ARHGAP32: variants seen among roughly 807,000 people sequenced by gnomAD.
The protein encoded by ARHGAP32 is Rho GTPase activating protein 32, also known as rho GTPase-activating protein 32.
ARHGAP32 carries 51 observed loss-of-function variants against 186.5 expected under a neutral mutation model. The ratio of observed to expected loss-of-function variants is 0.27; its 90% confidence interval spans 0.22 to 0.35. The LOEUF (loss-of-function observed/expected upper bound fraction) is 0.35, where lower values mean the gene tolerates loss of function less well. Ranked by LOEUF, ARHGAP32 falls within the 10% of genes least tolerant of loss-of-function variation. ARHGAP32 has a pLI of 1.00. For missense variants in ARHGAP32, 2,186 were observed against 2,623.5 expected (o/e 0.83, Z 3.64); for synonymous variants, 950 against 964.3 (o/e 0.99, Z 0.27).
At chr11:128,987,297 C>A (rs145621589) in intron 13 of ARHGAP32, among the ~76,000 whole-genome samples, 1 of 152,128 alleles carries the variant, frequency 6.6e-6, no homozygotes, top group African/African-American at 2.4e-5. Flanking sequence ...TTATCATCTA[C>A]CTAGAGGATT....
At chr11:129,099,267 T>A (rs1342990810) in intron 5 of ARHGAP32, among the ~76,000 whole-genome samples, 2 of 152,146 alleles carry the variant, frequency 1.3e-5, no homozygotes, top group African/African-American at 4.8e-5. Flanking sequence ...AGTGGGCCCA[T>A]AAGATTATAA....
chr11:128,997,830 G>A (rs12363960), intron 12 of ARHGAP32, among the ~76,000 whole-genome samples: 25,001 of 152,060 alleles, frequency 0.16, 2,457 homozygotes, highest in African/African-American at 0.27. Flanking sequence ...GGAATTCAAG[G>A]CTGCAGTCGG....
intron 5 of ARHGAP32, among the ~76,000 whole-genome samples, chr11:129,113,811 T>C (rs531469928): frequency 6.6e-6 from 1 of 152,172 alleles, no homozygotes; most frequent in Non-Finnish European, 1.5e-5. Context: ...ACTGAATTCG[T>C]CATCTTTCCT....
chr11:129,079,501 C>A lies in ARHGAP32; in HGVS notation c.532-12633G>T, dbSNP rs186608274. ...GAATTTTGCATCCAGAAAAACTAAGCTTCGTAAATGAAAGAAAAAAAAGTT... is the reference window on the plus strand; with the variant it reads ...GAATTTTGCATCCAGAAAAACTAAGATTCGTAAATGAAAGAAAAAAAAGTT... On this transcript the variant is annotated intron_variant, in intron 6 of 22. Transcript: ENST00000682385. Among the ~76,000 whole-genome samples the A allele has an allele frequency of 6.6e-4, 100 of 152,184 alleles. 1 individual carries two copies. Among genetic ancestry groups the A allele is most frequent in the Admixed American group, 5.6e-3 (85 of 15,286 alleles).
intron 1 of ARHGAP32, among the ~76,000 whole-genome samples, chr11:129,239,061 A>C (rs1337389485): frequency 2.0e-5 from 3 of 151,926 alleles, no homozygotes; most frequent in African/African-American, 7.3e-5. Flanking sequence ...TGTTGCCCAG[A>C]CTGGTCTCAA....
Position 128,991,719 on chromosome 11 carries a change from G to T in ARHGAP32, c.1196-3594C>A, listed in dbSNP as rs536476360. ...CACATTCTCCACATAATACACTTCT[G>T]ATTTACTTTGATTTTACATTCTTAG... is the stretch of plus-strand genomic sequence containing the variant. On this transcript the variant is annotated intron_variant, in intron 12 of 22. Transcript: ENST00000682385. Among the ~76,000 whole-genome samples, 30 of 152,188 alleles carry T rather than the reference G, an allele frequency of 2.0e-4. 1 individual carries two copies. The East Asian group carries it at 5.6e-3, about 28-fold the overall frequency.
At chr11:129,043,773 G>A (rs1261032431) in intron 10 of ARHGAP32, among the ~76,000 whole-genome samples, 1 of 152,002 alleles carries the variant, frequency 6.6e-6, no homozygotes, top group Non-Finnish European at 1.5e-5. Flanking sequence ...ACTTAACTGA[G>A]GCATCAGTTG....
Position 128,969,587 on chromosome 11 carries a change from G to C in ARHGAP32, c.5626C>G (p.Leu1876Val). The C allele has an allele frequency of 6.2e-7, 1 of 1,614,108 alleles. No individual in the cohort carries two copies. ...KPSLPQKQSS[L>V]RSRKLPDMGC... is the part of the protein sequence containing the mutation. ...ATGTCAGGAAGCTTCCTGCTCCTCA[G>C]GCTGCTCTGCTTCTGAGGCAGGGAT... is the stretch of plus-strand genomic sequence containing the variant. The change falls in exon 23 of 23, where the codon CTG becomes GTG. Residue 1876 changes from leucine to valine, a missense_variant. Physicochemically the swap from Leu to Val is conservative, Grantham distance 32. Around this residue, in one of 5 missense-constraint regions of ARHGAP32, gnomAD observed 1,502 missense variants for 1,570.0 expected, o/e 0.96. Coordinates refer to ENST00000682385, the MANE Select transcript of ARHGAP32 (RefSeq NM_001378024.1). The surrounding 1 kb of genome is among the most constrained non-coding windows in gnomAD (Gnocchi z 4.8).
intron 1 of ARHGAP32, among the ~76,000 whole-genome samples, chr11:129,197,761 T>C (rs1046612346): frequency 2.0e-4 from 31 of 152,332 alleles, no homozygotes; most frequent in Non-Finnish European, 4.0e-4. Flanking sequence ...TTATACTATC[T>C]ATACATTCAT....
chr11:129,066,693 T>C (rs764654093), intron 7 of ARHGAP32, 38 bp downstream of exon 7: 11 of 1,592,612 alleles, frequency 6.9e-6, no homozygotes, highest in Non-Finnish European at 8.5e-6. Context: ...AACTCATATA[T>C]AGTGATTACC....
chr11:129,161,398 A>G (rs1321384631), intron 2 of ARHGAP32, among the ~76,000 whole-genome samples: 1 of 152,196 alleles, frequency 6.6e-6, no homozygotes, highest in Non-Finnish European at 1.5e-5. Context: ...AATTTTTGCA[A>G]TCTATCCATC....
chr11:129,134,501 C>T (rs933034095), intron 2 of ARHGAP32, among the ~76,000 whole-genome samples: 1 of 152,070 alleles, frequency 6.6e-6, no homozygotes, highest in Non-Finnish European at 1.5e-5. Flanking sequence ...AAAGTAAATA[C>T]ACAAAAATTA....
intron 19 of ARHGAP32, among the ~76,000 whole-genome samples, chr11:128,977,225 C>T (rs73579321): frequency 0.011 from 1,744 of 152,244 alleles, 38 homozygotes; most frequent in African/African-American, 0.04. Flanking sequence ...TGTTTTTTAC[C>T]ACTTGACTTG....
chr11:128,994,952 A>C (rs1293779258), intron 12 of ARHGAP32, among the ~76,000 whole-genome samples: 1 of 152,102 alleles, frequency 6.6e-6, no homozygotes, highest in African/African-American at 2.4e-5. Flanking sequence ...GTCACAAGTT[A>C]ATTTTTTTTC....
intron 1 of ARHGAP32, among the ~76,000 whole-genome samples, chr11:129,167,367 G>A (rs1224392281): frequency 1.3e-5 from 2 of 151,948 alleles, no homozygotes; most frequent in African/African-American, 4.8e-5. Context: ...TCTACTCCTG[G>A]TATTTAATCA....
At chr11:129,178,606 T>C (rs918872376) in intron 1 of ARHGAP32, among the ~76,000 whole-genome samples, 13 of 151,736 alleles carry the variant, frequency 8.6e-5, no homozygotes, top group Non-Finnish European at 1.6e-4. Context: ...TATAGATCAA[T>C]GGAACAGAAC....
intron 2 of ARHGAP32, among the ~76,000 whole-genome samples, chr11:129,135,647 G>C (rs182109506): frequency 6.6e-6 from 1 of 152,044 alleles, no homozygotes; most frequent in African/African-American, 2.4e-5. Context: ...GGTGCCTGTA[G>C]TCCCAGCTAC....
chr11:129,123,809 G>T lies in ARHGAP32; in HGVS notation c.359+79C>A. 8.4e-7 allele frequency: 1 copy of T among 1,187,424 alleles called. No homozygotes were observed. The highest frequency in any genetic ancestry group is 1.1e-6 in the Non-Finnish European group (1 of 899,878). 73.6% of individuals were successfully genotyped at this position (1,187,424 alleles called of 1,614,324 possible). On this transcript the variant is annotated intron_variant, in intron 4 of 22. Coordinates refer to ENST00000682385, the MANE Select transcript of ARHGAP32 (RefSeq NM_001378024.1). This position sits in a 1 kb window ranked among gnomAD's most constrained non-coding sequence, Gnocchi z 4.6. Reference sequence around the variant, plus strand: ...TGTCCATAGAAAAACTGCTATTTTCGGCAAATGTTATGGAAACTGTGGACA... The same window carrying T: ...TGTCCATAGAAAAACTGCTATTTTCTGCAAATGTTATGGAAACTGTGGACA...
chr11:129,094,214 G>A (rs1002161585), intron 5 of ARHGAP32, among the ~76,000 whole-genome samples: 1 of 152,018 alleles, frequency 6.6e-6, no homozygotes, highest in Admixed American at 6.6e-5. Context: ...AGTTTAAAAT[G>A]ACTAAAATAG....
Sources: gnomAD v4.1 joint callset for allele counts (sites outside exome capture counted in the v4.1 genomes callset) on GRCh38, gnomAD v4.1.1 for gene constraint, gnomAD v4.1.1 regional missense constraint, Gnocchi (gnomAD v3.1) non-coding constraint, MANE v1.5 for transcripts, NCBI Gene and HGNC (gene_info 2026-07-23, HGNC 2026-07-21) for gene names.